Variants in LRRK2 observed in about 807,000 individuals in gnomAD.
LRRK2 encodes the protein leucine-rich repeat serine/threonine-protein kinase 2.
A neutral mutation model predicts 302.6 loss-of-function variants in LRRK2; 203 were observed. That is an observed-to-expected ratio of 0.67 (90% CI 0.60 to 0.75). The LOEUF (loss-of-function observed/expected upper bound fraction) is 0.75, where lower values mean the gene tolerates loss of function less well. Among genes scored for constraint, LRRK2 ranks in the 30% least tolerant of loss-of-function variants. The probability of loss-of-function intolerance (pLI) is 0.00; values close to 1 mark genes in which losing one functional copy is unlikely to be tolerated. For missense variants in LRRK2, 2,830 were observed against 2,951.0 expected (o/e 0.96, Z 0.95); for synonymous variants, 1,066 against 1,031.9 (o/e 1.03, Z -0.63).
chr12:40,239,886 A>G (rs1679301053), intron 5 of LRRK2, among the ~76,000 whole-genome samples: 2 of 152,208 alleles, frequency 1.3e-5, no homozygotes, highest in Non-Finnish European at 2.9e-5. Flanking sequence ...AATTTTATAC[A>G]TGTTTTTCAG....
intron 6 of LRRK2, 126 bp downstream of exon 6, chr12:40,240,743 T>G: frequency 1.0e-6 from 1 of 970,094 alleles, no homozygotes; most frequent in Non-Finnish European, 1.6e-6. Flanking sequence ...ATTCATTCAT[T>G]TATTCATTTA....
rs773466437 is a variant in LRRK2, at chr12:40,295,593, G to A, written c.3045G>A (p.Lys1015=). The A allele has an allele frequency of 6.8e-6, 11 of 1,613,898 alleles. No homozygotes were observed. The highest frequency in any genetic ancestry group is 4.5e-5 in the East Asian group (2 of 44,888). ...GTGTTCATTTGGAGCATCTTGAAAA[G>A]CTGGAGCTTCACCAGAATGCACTCA... ...CISVHLEHLE[K]LELHQNALTS... is the part of the protein sequence containing the mutation. The change falls in exon 23 of 51, where the codon AAG becomes AAA. Residue 1015 remains lysine (K), a synonymous_variant. Transcript: ENST00000298910.
At chr12:40,312,904 T>C (rs987566167) in intron 31 of LRRK2, 1 of 151,888 alleles carries the variant, frequency 6.6e-6, no homozygotes, top group Non-Finnish European at 1.5e-5. Context: ...ACATGAAAAG[T>C]GGAGGTTAGT....
At position 40,346,849 on chromosome 12, in the gene LRRK2, C is replaced by G. The variant is rs775723588; in HGVS notation, c.6206C>G (p.Thr2069Ser). The G allele has an allele frequency of 1.2e-6, 2 of 1,613,732 alleles. No homozygotes were observed. Among genetic ancestry groups the G allele is most frequent in the Non-Finnish European group, 1.7e-6 (2 of 1,179,800 alleles). Residue 2069 changes from threonine (T) to serine (S), a missense_variant, in exon 42 of 51, where the codon ACT (threonine) becomes AGT (serine). Thr to Ser is a moderately conservative substitution (Grantham distance 58, BLOSUM62 1). Coordinates refer to ENST00000298910, the MANE Select transcript of LRRK2 (RefSeq NM_198578.4). ...TTACTACTCTATGACATTTTGACAACTGGAGGTAGAATAGTAGAGGGTTTG... is the reference window on the plus strand; with the variant it reads ...TTACTACTCTATGACATTTTGACAAGTGGAGGTAGAATAGTAGAGGGTTTG... ...FGLLLYDILT[T>S]GGRIVEGLKF...
chr12:40,256,529 G>A (rs548541290), intron 11 of LRRK2, among the ~76,000 whole-genome samples: 29 of 152,328 alleles, frequency 1.9e-4, no homozygotes, highest in African/African-American at 6.7e-4. Context: ...AAATAGTGAA[G>A]TGCCAGTTGT....
In LRRK2 at chr12:40,356,204, T is replaced by C. The variant is rs1390747753; in HGVS notation, c.6843+17T>C. The C allele has an allele frequency of 3.8e-6, 6 of 1,568,218 alleles. No individual in the cohort carries two copies. The highest frequency in any genetic ancestry group is 5.2e-6 in the Non-Finnish European group (6 of 1,143,298). On this transcript the variant is annotated intron_variant, in intron 46 of 50. Transcript: ENST00000298910. ...ACTGTTAAGGTAAATGTTGAATGCA[T>C]TCTACATCTAAATTTATTTTAAGTC...
rs1940834579 is a variant in LRRK2 at position 40,225,631 on chromosome 12, T to C, written c.228T>C (p.Ser76=). The change falls in exon 2 of 51, where the codon AGT becomes AGC. Residue 76 remains serine (S), a synonymous_variant. Coordinates refer to ENST00000298910, the MANE Select transcript of LRRK2 (RefSeq NM_198578.4). ...IVLDSYMRVA[S]VQQVGWSLLC... is the part of the protein sequence containing the mutation. ...TGGACTCCTATATGAGAGTCGCGAG[T>C]GTGCAGCAGGTAAAGGCATTGTTTT... 6 of 1,613,444 alleles carry C rather than the reference T, an allele frequency of 3.7e-6. No homozygotes were observed. The highest frequency in any genetic ancestry group is 5.1e-6 in the Non-Finnish European group (6 of 1,179,468).
rs200521995 is a variant in LRRK2, at chr12:40,335,078, C to T, written c.5869C>T (p.Arg1957Cys). The T allele has an allele frequency of 1.2e-5, 19 of 1,613,980 alleles. No individual in the cohort carries two copies. Among genetic ancestry groups the T allele is most frequent in the Admixed American group, 5.0e-5 (3 of 59,994 alleles). Reference sequence around the variant, plus strand: ...GTTAGCCTCCAAGGGTTCCTTGGATCGCCTGCTTCAGCAGGACAAAGCCAG... The same window carrying T: ...GTTAGCCTCCAAGGGTTCCTTGGATTGCCTGCTTCAGCAGGACAAAGCCAG... Reference protein sequence around the residue: ...MELASKGSLDRLLQQDKASLT... With the variant: ...MELASKGSLDCLLQQDKASLT... Residue 1957 changes from arginine (R) to cysteine (C), a missense_variant, in exon 40 of 51, where the codon CGC becomes TGC. Arg to Cys is a radical substitution (Grantham distance 180, BLOSUM62 -3). Coordinates refer to ENST00000298910, the MANE Select transcript of LRRK2 (RefSeq NM_198578.4).
intron 7 of LRRK2, among the ~76,000 whole-genome samples, chr12:40,248,086 A>G (rs74076187): frequency 0.011 from 1,717 of 152,218 alleles, 40 homozygotes; most frequent in African/African-American, 0.039. Context: ...GTAGTTGTAC[A>G]AAGTGGCTGA....
At chr12:40,254,839 T>A (rs1166989316) in intron 11 of LRRK2, among the ~76,000 whole-genome samples, 1 of 152,172 alleles carries the variant, frequency 6.6e-6, no homozygotes, top group Non-Finnish European at 1.5e-5. Flanking sequence ...CAGATCCTTT[T>A]GTATTGTCTT....
intron 33 of LRRK2, among the ~76,000 whole-genome samples, chr12:40,317,161 A>G (rs1456306711): frequency 6.6e-6 from 1 of 152,104 alleles, no homozygotes; most frequent in African/African-American, 2.4e-5. Context: ...TCTCATTAGC[A>G]TAGTTATAAA....
intron 37 of LRRK2, among the ~76,000 whole-genome samples, chr12:40,322,950 G>T (rs1034869009): frequency 6.6e-6 from 1 of 152,066 alleles, no homozygotes; most frequent in South Asian, 2.1e-4. Context: ...ACAAGTGAAC[G>T]TAGGAATAAG....
At position 40,274,903 on chromosome 12, in the gene LRRK2, G is replaced by A. The variant is rs766365116; in HGVS notation, c.1851G>A (p.Lys617=). Residue 617 remains lysine (K), a synonymous_variant, in exon 16 of 51, where the codon AAG becomes AAA. Transcript: ENST00000298910. ...TTATAGGATACTTGATTACAAAGAA[G>A]AATGTGTTCATAGGAACTGGACATC... The part of the protein sequence containing the change: ...LSLIGYLITK[K]NVFIGTGHLL... 2.5e-6 allele frequency: 4 copies of A among 1,613,112 alleles called. No individual in the cohort carries two copies. Among genetic ancestry groups the A allele is most frequent in the Non-Finnish European group, 3.4e-6 (4 of 1,179,186 alleles).
chr12:40,266,395 G>GA (rs1359352642), intron 14 of LRRK2, among the ~76,000 whole-genome samples: 45 of 152,218 alleles, frequency 3.0e-4, no homozygotes, highest in African/African-American at 1.0e-3. Context: ...ACAGGCACAT[G>GA]AAAAAATCCT....
Position 40,320,268 on chromosome 12 carries a change from T to G in LRRK2, c.5015+93T>G, listed in dbSNP as rs1275945370. ...TAACTGTAGTCTATAATAGATGTAT[T>G]AAATAAATAAATATATTTTGCTTCT... is the stretch of plus-strand genomic sequence containing the variant. On this transcript the variant is annotated intron_variant, in intron 34 of 50. Transcript: ENST00000298910. 3.1e-6 allele frequency: 3 copies of G among 978,922 alleles called. No homozygotes were observed. In the East Asian group the frequency reaches 8.0e-5, roughly 26 times the overall value. The allele number at this position is 978,922 out of a possible 1,614,324, so 60.6% of individuals were successfully genotyped here. A position where few individuals can be genotyped will look rare whatever the true frequency, so the allele number is the denominator to read the frequency against.
chr12:40,225,174 ACT>A lies in LRRK2; in HGVS notation c.46_47del (p.Leu16GlufsTer92). On this transcript the variant is annotated frameshift_variant, in exon 1 of 51. Coordinates refer to ENST00000298910, the MANE Select transcript of LRRK2 (RefSeq NM_198578.4). LOFTEE classifies it high-confidence loss of function. ...SCQGCEEDEE[T>X]LKKLIVRLNN... Reference sequence around the variant, plus strand: ...TCAGGGGTGCGAAGAGGACGAGGAAACTCTGAAGAAGTTGATAGTCAGGCTGA... The same window carrying A: ...TCAGGGGTGCGAAGAGGACGAGGAAACTGAAGAAGTTGATAGTCAGGCTGA... 1 of 1,614,136 alleles carries A rather than the reference ACT, an allele frequency of 6.2e-7. No individual in the cohort carries two copies. The highest frequency in any genetic ancestry group is 8.5e-7 in the Non-Finnish European group (1 of 1,179,996).
chr12:40,359,221 T>C lies in LRRK2; in HGVS notation c.6844-39T>C. On this transcript the variant is annotated intron_variant, in intron 46 of 50. Coordinates refer to ENST00000298910, the MANE Select transcript of LRRK2 (RefSeq NM_198578.4). ...TTATGGAGTTTTGTTCTGTGGATAC[T>C]CAATTTGCTGAGTGTGTTTTCTTTT... 3 of 1,555,920 alleles carry C rather than the reference T, an allele frequency of 1.9e-6. No individual in the cohort carries two copies. In the South Asian group the frequency reaches 3.4e-5, roughly 18 times the overall value.
rs771401320 is a variant in LRRK2 at position 40,320,157 on chromosome 12, A to G, written c.4997A>G (p.Tyr1666Cys). 4.3e-6 allele frequency: 7 copies of G among 1,612,150 alleles called. No homozygotes were observed. Among genetic ancestry groups the G allele is most frequent in the Non-Finnish European group, 5.9e-6 (7 of 1,178,886 alleles). ...FQIALPIGEE[Y>C]LLVPSSLSDH... ...ATTGCTTTGCCAATAGGAGAAGAAT[A>G]TTTGCTGGTTCCAAGCAGGTAAAGA... Residue 1666 changes from tyrosine to cysteine, a missense_variant, in exon 34 of 51, where the codon TAT becomes TGT. Physicochemically the swap from Tyr to Cys is radical, Grantham distance 194. This residue lies in a region of LRRK2 where 2,121 missense variants were observed against 2,148.0 expected (regional missense o/e 0.99). Transcript: ENST00000298910.
chr12:40,232,244 C>A, intron 2 of LRRK2, 30 bp from the exon 3 acceptor site: 2 of 1,476,148 alleles, frequency 1.4e-6, no homozygotes, highest in Non-Finnish European at 9.5e-7. Context: ...TTCTTTAAAA[C>A]ATGTGAATAT....
Sources: allele counts gnomAD v4.1 joint callset (sites outside exome capture counted in the v4.1 genomes callset), GRCh38; gene constraint gnomAD v4.1.1; regional missense constraint gnomAD v4.1.1; transcripts MANE v1.5; gene names NCBI Gene and HGNC (gene_info 2026-07-23, HGNC 2026-07-21).